ZZZ3: variants seen among roughly 807,000 people sequenced by gnomAD.
ZZZ3 encodes ZZ-type zinc finger-containing protein 3.
In ZZZ3, 22 loss-of-function variants were observed where a neutral mutation model predicts 95.2. That is an observed-to-expected ratio of 0.23 (90% CI 0.17 to 0.33). The LOEUF (loss-of-function observed/expected upper bound fraction) is 0.33, where lower values mean the gene tolerates loss of function less well. Among genes scored for constraint, ZZZ3 ranks in the 10% least tolerant of loss-of-function variants. ZZZ3 has a pLI of 1.00. For missense variants in ZZZ3, 885 were observed against 1,066.5 expected (o/e 0.83, Z 2.37); for synonymous variants, 335 against 358.9 (o/e 0.93, Z 0.75).
At chr1:77,636,648 A>G (rs6699205) in intron 4 of ZZZ3, among the ~76,000 whole-genome samples, 85,231 of 146,826 alleles carry the variant, frequency 0.58, 26,930 homozygotes, top group Non-Finnish European at 0.71. Flanking sequence ...TGGGAAGTCA[A>G]GGGTGTAGTG....
intron 1 of ZZZ3, among the ~76,000 whole-genome samples, chr1:77,651,126 G>A (rs278836): frequency 0.37 from 56,091 of 152,066 alleles, 11,859 homozygotes; most frequent in African/African-American, 0.57. Context: ...GCTCATCCCT[G>A]TAAACCCAGC....
intron 5 of ZZZ3, among the ~76,000 whole-genome samples, chr1:77,592,258 T>C (rs560869761): frequency 4.6e-5 from 7 of 152,268 alleles, no homozygotes; most frequent in African/African-American, 1.7e-4. Context: ...GAGAAATATG[T>C]TTTCATCCTG....
At chr1:77,634,699 C>T (rs1668138703) in intron 4 of ZZZ3, among the ~76,000 whole-genome samples, 1 of 152,036 alleles carries the variant, frequency 6.6e-6, no homozygotes, top group African/African-American at 2.4e-5. Flanking sequence ...GGTGTGGATG[C>T]TTGAGGTTTA....
At chr1:77,612,153 C>T (rs1665873849) in intron 5 of ZZZ3, among the ~76,000 whole-genome samples, 1 of 151,854 alleles carries the variant, frequency 6.6e-6, no homozygotes, top group African/African-American at 2.4e-5. Flanking sequence ...GATATTTCTC[C>T]AAAGACATAA....
chr1:77,607,956 TAC>T (rs1665419566), intron 5 of ZZZ3, among the ~76,000 whole-genome samples: 1 of 135,024 alleles, frequency 7.4e-6, no homozygotes, highest in Non-Finnish European at 1.6e-5. Context: ...GAAGGGAAAA[TAC>T]ACAGAGGAAA....
At position 77,641,440 on chromosome 1, in the gene ZZZ3, T is replaced by G. The variant is rs1456692660; in HGVS notation, c.-262A>C. On this transcript the variant is annotated 5_prime_UTR_variant, in exon 3 of 15. Transcript: ENST00000370801. ...GATCCTGCAGTGTTTCTTAAAAGCCTGATACACTGAAAAAGAAACTTCAAT... is the reference window on the plus strand; with the variant it reads ...GATCCTGCAGTGTTTCTTAAAAGCCGGATACACTGAAAAAGAAACTTCAAT... 1 of 396,518 alleles carries G rather than the reference T, an allele frequency of 2.5e-6. No homozygotes were observed. The allele number at this position is 396,518 out of a possible 1,614,324, so 24.6% of individuals were successfully genotyped here.
chr1:77,582,872 A>G (rs1446015848), intron 6 of ZZZ3, among the ~76,000 whole-genome samples: 1 of 152,138 alleles, frequency 6.6e-6, no homozygotes, highest in African/African-American at 2.4e-5. Context: ...TTGGGAAGCC[A>G]AGGCTGGTGG....
rs749315714 is a variant in ZZZ3 at position 77,632,165 on chromosome 1, G to A, written c.1190C>T (p.Ser397Phe). ...PTRGSPTKNS[S>F]PYRENGQFEE... ...AAATTGTCCATTTTCTCTGTAAGGA[G>A]AACTGTTTTTAGTGGGACTACCTCT... Residue 397 changes from serine to phenylalanine, a missense_variant, in exon 5 of 15, where the codon TCT becomes TTT. This residue lies in a region of ZZZ3 where 556 missense variants were observed against 652.9 expected (regional missense o/e 0.85). Coordinates refer to ENST00000370801, the MANE Select transcript of ZZZ3 (RefSeq NM_015534.6). 3.0e-5 allele frequency: 48 copies of A among 1,613,984 alleles called. No individual in the cohort carries two copies. The Admixed American group carries it at 7.8e-4, about 26-fold the overall frequency.
At chr1:77,601,703 CA>C (rs1664743366) in intron 5 of ZZZ3, among the ~76,000 whole-genome samples, 1 of 152,132 alleles carries the variant, frequency 6.6e-6, no homozygotes, top group Non-Finnish European at 1.5e-5. Flanking sequence ...ACATTATCAT[CA>C]TCATTTTGCA....
chr1:77,621,341 G>T (rs1403847172), intron 5 of ZZZ3, among the ~76,000 whole-genome samples: 1 of 150,910 alleles, frequency 6.6e-6, no homozygotes, highest in Non-Finnish European at 1.5e-5. Flanking sequence ...AAATTAGAAG[G>T]CTGAGGCGGG....
At chr1:77,665,906 T>A (rs1671205782) in intron 1 of ZZZ3, among the ~76,000 whole-genome samples, 1 of 152,206 alleles carries the variant, frequency 6.6e-6, no homozygotes, top group South Asian at 2.1e-4. Flanking sequence ...CCAGGCGTGG[T>A]GGCACACGCC....
intron 5 of ZZZ3, among the ~76,000 whole-genome samples, chr1:77,614,185 C>T (rs550335399): frequency 1.8e-4 from 27 of 152,270 alleles, no homozygotes; most frequent in Non-Finnish European, 3.1e-4. Context: ...ATTACTTTAG[C>T]CACAGAATGT....
At chr1:77,624,629 C>G (rs1667178704) in intron 5 of ZZZ3, among the ~76,000 whole-genome samples, 1 of 152,164 alleles carries the variant, frequency 6.6e-6, no homozygotes, top group Non-Finnish European at 1.5e-5. Flanking sequence ...ATCTCTTCAT[C>G]TGACTCTTCA....
Position 77,576,310 on chromosome 1 carries a change from T to C in ZZZ3, c.2179-90A>G, listed in dbSNP as rs1047792175. On this transcript the variant is annotated intron_variant, in intron 11 of 14. Coordinates refer to ENST00000370801, the MANE Select transcript of ZZZ3 (RefSeq NM_015534.6). Reference sequence around the variant, plus strand: ...AAATACAAATGTTACTTCCAACAAGTCTATCAGAAGAATTTCACTCTATCC... The same window carrying C: ...AAATACAAATGTTACTTCCAACAAGCCTATCAGAAGAATTTCACTCTATCC... The C allele has an allele frequency of 2.9e-5, 31 of 1,071,236 alleles. No individual in the cohort carries two copies. The Admixed American group carries it at 8.1e-4, about 28-fold the overall frequency. 66.4% of individuals were successfully genotyped at this position (1,071,236 alleles called of 1,614,324 possible). A position where few individuals can be genotyped will look rare whatever the true frequency, so the allele number is the denominator to read the frequency against.
rs931908626 is a variant in ZZZ3 at position 77,563,472 on chromosome 1, ATCT to A, written c.*2165_*2167del. 13 of 152,306 alleles carry A rather than the reference ATCT, an allele frequency of 8.5e-5. No individual in the cohort carries two copies. The East Asian group carries it at 2.1e-3, about 25-fold the overall frequency. The allele number at this position is 152,306 out of a possible 1,614,324, so 9.4% of individuals were successfully genotyped here. A position where few individuals can be genotyped will look rare whatever the true frequency, so the allele number is the denominator to read the frequency against. The stretch of plus-strand genomic sequence containing the variant: ...ACACATCTTCTGCTCAAGCCGAAAA[ATCT>A]TCTTAACTCAAAAATCTCAAAAAAT... On this transcript the variant is annotated 3_prime_UTR_variant, in exon 15 of 15. Coordinates refer to ENST00000370801, the MANE Select transcript of ZZZ3 (RefSeq NM_015534.6).
chr1:77,566,077 T>A lies in ZZZ3; in HGVS notation c.2567+4A>T. ...TGAAGACTGACAATGAAGAAAACAC[T>A]TACCAGTCTGAACAAGAATCACAGA... On this transcript the variant is annotated splice_donor_region_variant and intron_variant, in intron 14 of 14. Coordinates refer to ENST00000370801, the MANE Select transcript of ZZZ3 (RefSeq NM_015534.6). The A allele has an allele frequency of 6.2e-7, 1 of 1,608,358 alleles. No homozygotes were observed. Among genetic ancestry groups the A allele is most frequent in the Non-Finnish European group, 8.5e-7 (1 of 1,176,454 alleles).
At chr1:77,670,656 T>C (rs1334949882) in intron 1 of ZZZ3, among the ~76,000 whole-genome samples, 1 of 151,916 alleles carries the variant, frequency 6.6e-6, no homozygotes, top group Non-Finnish European at 1.5e-5. Context: ...ACAAAGAGTT[T>C]GGATGGATAA....
intron 1 of ZZZ3, among the ~76,000 whole-genome samples, chr1:77,653,481 C>T (rs748590032): frequency 1.5e-4 from 23 of 152,144 alleles, no homozygotes; most frequent in Non-Finnish European, 3.2e-4. Context: ...CGGCCAGGCG[C>T]GATGGCTCAC....
rs976618506 is a variant in ZZZ3, at chr1:77,682,626, G to C, written c.-444C>G. The C allele has an allele frequency of 6.6e-6, 1 of 152,234 alleles. No individual in the cohort carries two copies. The highest frequency in any genetic ancestry group is 1.5e-5 in the Non-Finnish European group (1 of 68,086). The allele number at this position is 152,234 out of a possible 1,614,324, so 9.4% of individuals were successfully genotyped here. A position where few individuals can be genotyped will look rare whatever the true frequency, so the allele number is the denominator to read the frequency against. On this transcript the variant is annotated 5_prime_UTR_variant, in exon 1 of 15. Coordinates refer to ENST00000370801, the MANE Select transcript of ZZZ3 (RefSeq NM_015534.6). ...CAGGTCCCAGGCCCCCGGAACCCAA[G>C]GCTCCGCCATCCAGGACAACTGCTC...
Sources: gnomAD v4.1 joint callset for allele counts (sites outside exome capture counted in the v4.1 genomes callset) on GRCh38, gnomAD v4.1.1 for gene constraint, gnomAD v4.1.1 regional missense constraint, MANE v1.5 for transcripts, NCBI Gene and HGNC (gene_info 2026-07-23, HGNC 2026-07-21) for gene names.